The following SLC22A9 variants were observed in gnomAD, a reference collection of about 807,000 sequenced individuals.
SLC22A9 encodes the protein organic anion transporter 7.
SLC22A9 carries 64 observed loss-of-function variants against 50.1 expected under a neutral mutation model. That is an observed-to-expected ratio of 1.28 (90% CI 1.04 to 1.57). The LOEUF is 1.57. SLC22A9 is among the 40% of genes most tolerant of loss of function. SLC22A9 has a pLI of 0.00. For missense variants in SLC22A9, 757 were observed against 676.1 expected, an observed-to-expected ratio of 1.12 and a Z score of -1.33; for synonymous variants, 261 against 242.5, an observed-to-expected ratio of 1.08 and a Z score of -0.71.
At chr11:63,391,039 A>T (rs2014755203) in intron 6 of SLC22A9, among the ~76,000 whole-genome samples, 3 of 152,060 alleles carry the variant, frequency 2.0e-5, no homozygotes, top group African/African-American at 7.2e-5. Flanking sequence ...ATTTGTTTCA[A>T]GAAACTTTTA....
intron 6 of SLC22A9, among the ~76,000 whole-genome samples, chr11:63,383,906 G>A (rs539573893): frequency 6.6e-6 from 1 of 152,104 alleles, no homozygotes; most frequent in South Asian, 2.1e-4. Context: ...AAAATTAGTT[G>A]GGCGTGGTGG....
At chr11:63,392,331 A>G (rs2014778471) in intron 6 of SLC22A9, among the ~76,000 whole-genome samples, 1 of 152,074 alleles carries the variant, frequency 6.6e-6, no homozygotes, top group African/African-American at 2.4e-5. Flanking sequence ...CAGATGATAT[A>G]TTCCTGCTCA....
intron 7 of SLC22A9, among the ~76,000 whole-genome samples, chr11:63,407,403 T>C (rs2015058733): frequency 6.6e-6 from 1 of 152,154 alleles, no homozygotes; most frequent in Non-Finnish European, 1.5e-5. Flanking sequence ...TCTAACAGGA[T>C]CTCAGATTGG....
At chr11:63,397,747 G>A (rs1037535838) in intron 6 of SLC22A9, among the ~76,000 whole-genome samples, 1 of 152,082 alleles carries the variant, frequency 6.6e-6, no homozygotes, top group African/African-American at 2.4e-5. Flanking sequence ...TGTGAATGCT[G>A]CTTCCAGGCC....
chr11:63,373,481 A>G (rs777349804), intron 2 of SLC22A9, among the ~76,000 whole-genome samples, 163 bp from the exon 3 acceptor site: 1 of 152,166 alleles, frequency 6.6e-6, no homozygotes, highest in Non-Finnish European at 1.5e-5. Context: ...GAAACAGGGA[A>G]CATTGTGTCT....
chr11:63,370,935 T>C (rs916327635), intron 1 of SLC22A9, among the ~76,000 whole-genome samples, 200 bp from the exon 2 acceptor site: 1 of 152,130 alleles, frequency 6.6e-6, no homozygotes, highest in African/African-American at 2.4e-5. Context: ...TAAAAACCTA[T>C]AGGTTTAGGA....
intron 6 of SLC22A9, among the ~76,000 whole-genome samples, chr11:63,386,358 T>C (rs1313776950): frequency 6.7e-6 from 1 of 150,038 alleles, no homozygotes; most frequent in East Asian, 2.0e-4. Flanking sequence ...TTGTTTGGAA[T>C]AGTTTCAGAA....
chr11:63,371,321 G>A, intron 2 of SLC22A9, 83 bp downstream of exon 2: 1 of 1,111,024 alleles, frequency 9.0e-7, no homozygotes, highest in Admixed American at 2.1e-5. Context: ...ATTACTTACT[G>A]CAAATTACAT....
chr11:63,406,364 G>A, intron 6 of SLC22A9, 133 bp from the exon 7 acceptor site: 1 of 731,196 alleles, frequency 1.4e-6, no homozygotes, highest in Non-Finnish European at 2.2e-6. Flanking sequence ...CACGTTGCAA[G>A]AAAATATTCC....
chr11:63,369,967 G>C lies in SLC22A9; in HGVS notation c.-90G>C. On this transcript the variant is annotated 5_prime_UTR_variant, in exon 1 of 10. Transcript: ENST00000279178. ...GGGTCAGGATCAAAACACATTTAGT[G>C]TGACTTAGGGAAAGAAAACATTTTC... 3.8e-6 allele frequency: 5 copies of C among 1,309,690 alleles called. No homozygotes were observed. The highest frequency in any genetic ancestry group is 5.3e-6 in the Non-Finnish European group (5 of 951,662). The allele number at this position is 1,309,690 out of a possible 1,614,324, so 81.1% of individuals were successfully genotyped here. A position where few individuals can be genotyped will look rare whatever the true frequency, so the allele number is the denominator to read the frequency against.
At position 63,409,882 on chromosome 11, in the gene SLC22A9, G is replaced by A; in HGVS notation, c.*20G>A. ...TTTTAAGGAATTCCAGGAGCTGACTGCCGATCAATGAGCCAGATGAAGGGA... is the reference window on the plus strand; with the variant it reads ...TTTTAAGGAATTCCAGGAGCTGACTACCGATCAATGAGCCAGATGAAGGGA... On this transcript the variant is annotated 3_prime_UTR_variant, in exon 10 of 10. Transcript: ENST00000279178. 1 of 1,612,874 alleles carries A rather than the reference G, an allele frequency of 6.2e-7. No individual in the cohort carries two copies. Among genetic ancestry groups the A allele is most frequent in the Non-Finnish European group, 8.5e-7 (1 of 1,179,256 alleles).
In SLC22A9 at chr11:63,408,094, T is replaced by A; in HGVS notation, c.1289-18T>A. ...TCAGCTCAGATTTCCTGAGGCCTTG[T>A]GTTCTTCCTTTCTCCAGAAATGCAG... On this transcript the variant is annotated intron_variant, in intron 7 of 9. Transcript: ENST00000279178. The A allele has an allele frequency of 3.1e-6, 5 of 1,605,872 alleles. No individual in the cohort carries two copies. The highest frequency in any genetic ancestry group is 4.3e-6 in the Non-Finnish European group (5 of 1,173,212).
At chr11:63,372,601 G>A (rs2014382000) in intron 2 of SLC22A9, among the ~76,000 whole-genome samples, 1 of 152,032 alleles carries the variant, frequency 6.6e-6, no homozygotes, top group Non-Finnish European at 1.5e-5. Flanking sequence ...AATCTAAACA[G>A]CAGTTTGGGT....
At chr11:63,376,349 G>A (rs1188727654) in intron 5 of SLC22A9, among the ~76,000 whole-genome samples, 1 of 152,036 alleles carries the variant, frequency 6.6e-6, no homozygotes, top group Non-Finnish European at 1.5e-5. Flanking sequence ...GCATGACTAA[G>A]TGGAAATGCC....
At chr11:63,385,973 G>C (rs1229745760) in intron 6 of SLC22A9, among the ~76,000 whole-genome samples, 1 of 152,044 alleles carries the variant, frequency 6.6e-6, no homozygotes, top group Non-Finnish European at 1.5e-5. Flanking sequence ...GTTCCTTCAA[G>C]ACCTAGTTTA....
At chr11:63,383,976 G>A (rs530566298) in intron 6 of SLC22A9, among the ~76,000 whole-genome samples, 63 of 151,946 alleles carry the variant, frequency 4.1e-4, no homozygotes, top group Middle Eastern at 3.4e-3. Context: ...TTCAACCCGG[G>A]AGGTGGAGAT....
At chr11:63,398,597 A>T (rs1046656275) in intron 6 of SLC22A9, among the ~76,000 whole-genome samples, 1 of 152,094 alleles carries the variant, frequency 6.6e-6, no homozygotes, top group Non-Finnish European at 1.5e-5. Context: ...TTCCTCTGTG[A>T]CAGGGCAGCA....
Position 63,409,188 on chromosome 11 carries a change from G to C in SLC22A9, c.1601+309G>C, listed in dbSNP as rs75809552. ...TAGTGTGATATGCACACTGTTGAAG[G>C]TATTTTACAAATATGCAGAGATCCA... On this transcript the variant is annotated intron_variant, in intron 9 of 9. Coordinates refer to ENST00000279178, the MANE Select transcript of SLC22A9 (RefSeq NM_080866.3). Among the ~76,000 whole-genome samples the C allele has an allele frequency of 2.8e-3, 433 of 152,206 alleles. 3 individuals are homozygous for C. The highest frequency in any genetic ancestry group is 8.9e-3 in the African/African-American group (370 of 41,512).
chr11:63,384,022 CTGGTGACAGAGCGAGA>C (rs2014614853), intron 6 of SLC22A9, among the ~76,000 whole-genome samples: 1 of 149,064 alleles, frequency 6.7e-6, no homozygotes, highest in Admixed American at 6.7e-5. Flanking sequence ...GCACTCCAGC[CTGGTGACAGAGCGAGA>C]CTCCATCTAA....
Sources: gnomAD v4.1 joint callset for allele counts (sites outside exome capture counted in the v4.1 genomes callset) on GRCh38, gnomAD v4.1.1 for gene constraint, MANE v1.5 for transcripts, NCBI Gene and HGNC (gene_info 2026-07-23, HGNC 2026-07-21) for gene names.